The following ROR2 variants were observed in gnomAD, a reference collection of about 807,000 sequenced individuals.
The protein encoded by ROR2 is ROR family WNT receptor 2, also known as tyrosine-protein kinase transmembrane receptor ROR2.
A neutral mutation model predicts 74.9 loss-of-function variants in ROR2; 33 were observed. That is an observed-to-expected ratio of 0.44 (90% CI 0.33 to 0.59). ROR2 has a LOEUF of 0.59. ROR2 is among the 20% of genes least tolerant of loss of function. ROR2 has a pLI of 0.02. For missense variants in ROR2, 1,216 were observed against 1,313.8 expected, an observed-to-expected ratio of 0.93 and a Z score of 1.15; for synonymous variants, 586 against 558.7, an observed-to-expected ratio of 1.05 and a Z score of -0.69.
At chr9:91,869,759 C>T (rs1055802971) in intron 1 of ROR2, among the ~76,000 whole-genome samples, 4 of 152,138 alleles carry the variant, frequency 2.6e-5, no homozygotes, top group African/African-American at 9.7e-5. Flanking sequence ...GCTACCCATA[C>T]TTGTGTTAAA....
chr9:91,846,703 C>G (rs972459478), intron 1 of ROR2, among the ~76,000 whole-genome samples: 32 of 152,202 alleles, frequency 2.1e-4, no homozygotes, highest in African/African-American at 6.0e-4. Flanking sequence ...GTACCCTCAG[C>G]CCCCTGATAA....
intron 4 of ROR2, among the ~76,000 whole-genome samples, chr9:91,753,940 C>T (rs908578129): frequency 1.3e-5 from 2 of 152,088 alleles, no homozygotes; most frequent in African/African-American, 4.8e-5. Flanking sequence ...CTCAATAATA[C>T]TGAGTAATTT....
At chr9:91,833,460 T>C (rs1828526793) in intron 1 of ROR2, among the ~76,000 whole-genome samples, 1 of 151,872 alleles carries the variant, frequency 6.6e-6, no homozygotes, top group African/African-American at 2.4e-5. Flanking sequence ...TCAAGTCAAA[T>C]CTCTTGAGGT....
At chr9:91,774,092 T>A (rs564363652) in intron 2 of ROR2, among the ~76,000 whole-genome samples, 132 of 152,350 alleles carry the variant, frequency 8.7e-4, no homozygotes, top group African/African-American at 3.1e-3. Flanking sequence ...GTCAGGCTTT[T>A]GAGAAAGAAG....
chr9:91,783,966 C>A (rs979833526), intron 1 of ROR2, among the ~76,000 whole-genome samples: 8 of 152,144 alleles, frequency 5.3e-5, no homozygotes. Flanking sequence ...TCCTTGAGGG[C>A]TTGCTTTAAA....
chr9:91,816,663 C>G (rs1322586320), intron 1 of ROR2, among the ~76,000 whole-genome samples: 1 of 152,096 alleles, frequency 6.6e-6, no homozygotes, highest in African/African-American at 2.4e-5. Context: ...CCGCGATCCC[C>G]TCCTTCAGTG....
intron 1 of ROR2, among the ~76,000 whole-genome samples, chr9:91,937,461 G>C (rs1831732175): frequency 6.6e-6 from 1 of 151,974 alleles, no homozygotes; most frequent in African/African-American, 2.4e-5. Flanking sequence ...CGCCCCAGGG[G>C]TCTAGATGCA....
chr9:91,860,475 G>A (rs1241671405), intron 1 of ROR2, among the ~76,000 whole-genome samples: 1 of 152,172 alleles, frequency 6.6e-6, no homozygotes, highest in African/African-American at 2.4e-5. Flanking sequence ...ATGTACATAT[G>A]GAAATGCATG....
intron 1 of ROR2, among the ~76,000 whole-genome samples, chr9:91,891,518 C>A (rs910710159): frequency 9.2e-5 from 14 of 152,192 alleles, no homozygotes; most frequent in African/African-American, 3.1e-4. Context: ...ATCCACCTGC[C>A]TCGGCCTCCC....
At position 91,882,129 on chromosome 9, in the gene ROR2, C is replaced by CA. The variant is rs529428873; in HGVS notation, c.97+67737dup. On this transcript the variant is annotated intron_variant, in intron 1 of 8. Coordinates refer to ENST00000375708, the MANE Select transcript of ROR2 (RefSeq NM_004560.4). The stretch of plus-strand genomic sequence containing the variant: ...TCAGTCTATAGAACTAGCCTATGAC[C>CA]AGCCAGGCACGGTGGATCATGCCTG... Among the ~76,000 whole-genome samples, 168 of 152,046 alleles carry CA rather than the reference C, an allele frequency of 1.1e-3. 1 individual carries two copies. Among genetic ancestry groups the CA allele is most frequent in the South Asian group, 6.4e-3 (31 of 4,824 alleles).
chr9:91,840,288 CTCTT>C (rs1009601878), intron 1 of ROR2, among the ~76,000 whole-genome samples: 17 of 152,176 alleles, frequency 1.1e-4, no homozygotes, highest in African/African-American at 4.1e-4. Context: ...GTTTCTCTTT[CTCTT>C]TCTAACCTTC....
intron 1 of ROR2, among the ~76,000 whole-genome samples, chr9:91,937,142 C>A (rs1232058911): frequency 6.6e-6 from 1 of 151,662 alleles, no homozygotes; most frequent in East Asian, 1.9e-4. Context: ...CAAGAGCTCA[C>A]AGTGCAAACT....
intron 4 of ROR2, among the ~76,000 whole-genome samples, chr9:91,750,694 T>C (rs1270231821): frequency 6.6e-6 from 1 of 152,148 alleles, no homozygotes; most frequent in Non-Finnish European, 1.5e-5. Context: ...TGGAAACATG[T>C]GTCAGGGAGC....
chr9:91,880,906 C>T (rs755247554), intron 1 of ROR2, among the ~76,000 whole-genome samples: 5 of 152,186 alleles, frequency 3.3e-5, no homozygotes, highest in Non-Finnish European at 5.9e-5. Flanking sequence ...ACTGCTGTTG[C>T]AACTGTCCAG....
At chr9:91,848,100 G>C (rs951666298) in intron 1 of ROR2, among the ~76,000 whole-genome samples, 1 of 152,224 alleles carries the variant, frequency 6.6e-6, no homozygotes, top group Non-Finnish European at 1.5e-5. Context: ...AAATGGATGT[G>C]ATTTTACCAA....
At chr9:91,743,843 C>G (rs1052205744) in intron 4 of ROR2, among the ~76,000 whole-genome samples, 10 of 152,162 alleles carry the variant, frequency 6.6e-5, no homozygotes, top group African/African-American at 2.2e-4. Flanking sequence ...TCCAAGGCCT[C>G]CACACTTGAA....
At chr9:91,813,622 C>G (rs1278190853) in intron 1 of ROR2, among the ~76,000 whole-genome samples, 1 of 152,188 alleles carries the variant, frequency 6.6e-6, no homozygotes, top group African/African-American at 2.4e-5. Flanking sequence ...CACCCAACCC[C>G]AGAAACCCAA....
intron 8 of ROR2, 141 bp from the exon 9 acceptor site, chr9:91,725,248 C>T (rs992355784): frequency 2.8e-6 from 4 of 1,427,944 alleles, no homozygotes; most frequent in East Asian, 4.5e-5. Context: ...TTTGCCCACC[C>T]AGCCTTGGCC....
At chr9:91,813,632 AT>A (rs980744672) in intron 1 of ROR2, among the ~76,000 whole-genome samples, 2 of 152,178 alleles carry the variant, frequency 1.3e-5, no homozygotes, top group African/African-American at 4.8e-5. Context: ...CAGAAACCCA[AT>A]GGGCCCCGCC....
Sources: allele counts gnomAD v4.1 joint callset (sites outside exome capture counted in the v4.1 genomes callset), GRCh38; gene constraint gnomAD v4.1.1; transcripts MANE v1.5; gene names NCBI Gene and HGNC (gene_info 2026-07-23, HGNC 2026-07-21).